The following CEP104 variants were observed in gnomAD, a reference collection of about 807,000 sequenced individuals.
CEP104 encodes the protein centrosomal protein 104, also known as centrosomal protein of 104 kDa.
A neutral mutation model predicts 113.3 loss-of-function variants in CEP104; 84 were observed. The observed-to-expected ratio is 0.74, with a 90% CI of 0.62 to 0.89. The LOEUF (loss-of-function observed/expected upper bound fraction) is 0.89, where lower values mean the gene tolerates loss of function less well. CEP104 is among the 40% of genes least tolerant of loss of function. The probability of loss-of-function intolerance (pLI) is 0.00; values close to 1 mark genes in which losing one functional copy is unlikely to be tolerated. For synonymous variants in CEP104, 378 were observed against 421.7 expected (o/e 0.90, Z 1.27); for missense variants, 1,053 against 1,156.6 (o/e 0.91, Z 1.30).
chr1:3,839,044 C>A lies in CEP104; in HGVS notation c.811G>T (p.Glu271Ter), dbSNP rs763767740. The A allele has an allele frequency of 3.1e-6, 5 of 1,614,142 alleles. No individual in the cohort carries two copies. The highest frequency in any genetic ancestry group is 1.7e-6 in the Non-Finnish European group (2 of 1,180,030). Residue 271 changes from glutamate (E) to a stop codon, truncating the protein, a stop_gained, in exon 8 of 22, where the codon GAG (glutamate) becomes TAG (stop). Coordinates refer to ENST00000378230, the MANE Select transcript of CEP104 (RefSeq NM_014704.4). LOFTEE classifies it high-confidence loss of function. ...TACTGCTCCATCTGCTGCTTCTTCT[C>A]CTTGGCGAGATCGTAGTCTTCCTTC... is the stretch of plus-strand genomic sequence containing the variant. ...VEKEDYDLAK[E>*]KKQQMEQYRA...
intron 7 of CEP104, 35 bp from the exon 8 acceptor site, chr1:3,839,154 T>G: frequency 6.3e-7 from 1 of 1,589,854 alleles, no homozygotes; most frequent in South Asian, 1.1e-5. Context: ...TCTTTCAAAT[T>G]TGGATCAACT....
Position 3,817,050 on chromosome 1 carries a change from G to C in CEP104, c.2572-680C>G, listed in dbSNP as rs149982011. On this transcript the variant is annotated intron_variant, in intron 20 of 21. Transcript: ENST00000378230. ...CTTCTATTTAAACAACACTCACGAG[G>C]CTGGGCGCGGTGGCTCACGCCTGTA... Among the ~76,000 whole-genome samples the C allele has an allele frequency of 2.6e-5, 4 of 152,336 alleles. No homozygotes were observed. The East Asian group carries it at 7.7e-4, about 29-fold the overall frequency.
At position 3,852,030 on chromosome 1, in the gene CEP104, A is replaced by G. The variant is rs571750961; in HGVS notation, c.113+265T>C. 1.2e-3 allele frequency among the ~76,000 whole-genome samples: 183 copies of G among 152,346 alleles called. 1 individual carries two copies. Among genetic ancestry groups the G allele is most frequent in the Non-Finnish European group, 2.0e-3 (137 of 68,032 alleles). ...GATCAGGGAGTATGGTTAGACAGTTACGGGGCCTCATTTCTCTTCCTTCTC... is the reference window on the plus strand; with the variant it reads ...GATCAGGGAGTATGGTTAGACAGTTGCGGGGCCTCATTTCTCTTCCTTCTC... On this transcript the variant is annotated intron_variant, in intron 2 of 21. Coordinates refer to ENST00000378230, the MANE Select transcript of CEP104 (RefSeq NM_014704.4).
At chr1:3,820,314 C>T (rs1318233247) in intron 20 of CEP104, among the ~76,000 whole-genome samples, 4 of 152,262 alleles carry the variant, frequency 2.6e-5, no homozygotes, top group South Asian at 2.1e-4. Flanking sequence ...GGGCATTGCA[C>T]GGGAGGACAA....
intron 1 of CEP104, among the ~76,000 whole-genome samples, chr1:3,852,843 G>A (rs1644641732): frequency 6.6e-6 from 1 of 152,322 alleles, no homozygotes; most frequent in African/African-American, 2.4e-5. Context: ...GCCACACAAA[G>A]GGAGAGCGCC....
At chr1:3,832,003 T>C (rs1644216910) in intron 12 of CEP104, among the ~76,000 whole-genome samples, 1 of 152,206 alleles carries the variant, frequency 6.6e-6, no homozygotes, top group South Asian at 2.1e-4. Flanking sequence ...GTGTATTTCG[T>C]CCACTAACCG....
chr1:3,823,656 G>A lies in CEP104; in HGVS notation c.2365-94C>T. 1 of 1,518,156 alleles carries A rather than the reference G, an allele frequency of 6.6e-7. No individual in the cohort carries two copies. Among genetic ancestry groups the A allele is most frequent in the Admixed American group, 1.7e-5 (1 of 58,104 alleles). 94.0% of individuals were successfully genotyped at this position (1,518,156 alleles called of 1,614,324 possible). On this transcript the variant is annotated intron_variant, in intron 18 of 21. Transcript: ENST00000378230. The surrounding 1 kb of genome is among the most constrained non-coding windows in gnomAD (Gnocchi z 4.1). Reference sequence around the variant, plus strand: ...AGCCTGTGAGCGCCTCCCCTGCCCAGGGAGGTCTGTGCCGCCTGCACATGA... The same window carrying A: ...AGCCTGTGAGCGCCTCCCCTGCCCAAGGAGGTCTGTGCCGCCTGCACATGA...
At chr1:3,849,843 A>AC (rs1366433469) in intron 2 of CEP104, among the ~76,000 whole-genome samples, 1 of 152,102 alleles carries the variant, frequency 6.6e-6, no homozygotes, top group Non-Finnish European at 1.5e-5. Context: ...TAAAAAAAAA[A>AC]AACTCCAAAA....
chr1:3,844,452 C>T (rs754794112), intron 6 of CEP104, among the ~76,000 whole-genome samples: 1 of 151,956 alleles, frequency 6.6e-6, no homozygotes, highest in Non-Finnish European at 1.5e-5. Context: ...GAGCCGAGAT[C>T]GTGCCACTGC....
intron 1 of CEP104, among the ~76,000 whole-genome samples, chr1:3,856,429 C>T (rs1233320821): frequency 6.6e-6 from 1 of 152,228 alleles, no homozygotes; most frequent in Admixed American, 6.5e-5. Flanking sequence ...GAAAGGGCTT[C>T]AGAGAAATCT....
chr1:3,816,412 G>A (rs1172226919), intron 20 of CEP104, 42 bp from the exon 21 acceptor site: 27 of 1,478,296 alleles, frequency 1.8e-5, no homozygotes, highest in East Asian at 2.5e-5. Flanking sequence ...CAGGCGAGAC[G>A]GACCTGGCAC....
At chr1:3,818,029 G>A (rs1274584911) in intron 20 of CEP104, among the ~76,000 whole-genome samples, 1 of 152,234 alleles carries the variant, frequency 6.6e-6, no homozygotes, top group East Asian at 1.9e-4. Flanking sequence ...GAGCCGCCTG[G>A]CCGCCCTATG....
At chr1:3,816,113 T>A in intron 21 of CEP104, 167 bp downstream of exon 21, 1 of 590,566 alleles carries the variant, frequency 1.7e-6, no homozygotes, top group South Asian at 2.3e-5. Flanking sequence ...CGATTCTGAT[T>A]ATTAGCCTGC....
At chr1:3,840,859 T>G (rs745752636) in intron 6 of CEP104, among the ~76,000 whole-genome samples, 1 of 152,202 alleles carries the variant, frequency 6.6e-6, no homozygotes, top group African/African-American at 2.4e-5. Flanking sequence ...GTATTTTTGA[T>G]GAACATGATA....
intron 13 of CEP104, 98 bp from the exon 14 acceptor site, chr1:3,830,095 G>C: frequency 1.2e-6 from 1 of 851,262 alleles, no homozygotes; most frequent in South Asian, 1.5e-5. Context: ...AAAAATAAAA[G>C]AGAAAACATC....
intron 2 of CEP104, 73 bp from the exon 3 acceptor site, chr1:3,848,854 T>C (rs1570849337): frequency 7.7e-7 from 1 of 1,306,314 alleles, no homozygotes; most frequent in Non-Finnish European, 1.1e-6. Context: ...CATCTCATTC[T>C]TGCAGGTAAG....
chr1:3,823,272 C>A lies in CEP104; in HGVS notation c.2504-31G>T. On this transcript the variant is annotated intron_variant, in intron 19 of 21. Transcript: ENST00000378230. This position sits in a 1 kb window ranked among gnomAD's most constrained non-coding sequence, Gnocchi z 4.1. ...ATGATTTTAAAAAGACTCAGTCGCT[C>A]CCTGAATGACAGGCGACAAGACATG... The A allele has an allele frequency of 6.2e-7, 1 of 1,613,600 alleles. No individual in the cohort carries two copies. The highest frequency in any genetic ancestry group is 8.5e-7 in the Non-Finnish European group (1 of 1,179,514).
Position 3,837,363 on chromosome 1 carries a change from G to C in CEP104, c.1048C>G (p.Leu350Val), listed in dbSNP as rs1644334697. 3.1e-6 allele frequency: 5 copies of C among 1,614,198 alleles called. No homozygotes were observed. Among genetic ancestry groups the C allele is most frequent in the Non-Finnish European group, 4.2e-6 (5 of 1,180,018 alleles). ...GCAGAATGCTGAGGAGAAATAGTTA[G>C]AGAATATGATGAAGGCTTTTCCTGA... is the stretch of plus-strand genomic sequence containing the variant. ...FLQEKPSSYSLTISPQHSAVD... is the reference protein window; with the variant it reads ...FLQEKPSSYSVTISPQHSAVD... The change falls in exon 9 of 22, where the codon CTA becomes GTA. Residue 350 changes from leucine (L) to valine (V), a missense_variant. By Grantham distance (32) the Leu-to-Val change is conservative. Coordinates refer to ENST00000378230, the MANE Select transcript of CEP104 (RefSeq NM_014704.4).
intron 15 of CEP104, 23 bp downstream of exon 15, chr1:3,829,243 T>G: frequency 1.3e-6 from 2 of 1,496,440 alleles, no homozygotes; most frequent in Non-Finnish European, 1.8e-6. Flanking sequence ...AGCACACAGG[T>G]GAAAGACGTG....
Sources: gnomAD v4.1 joint callset for allele counts (sites outside exome capture counted in the v4.1 genomes callset) on GRCh38, gnomAD v4.1.1 for gene constraint, Gnocchi (gnomAD v3.1) non-coding constraint, MANE v1.5 for transcripts, NCBI Gene and HGNC (gene_info 2026-07-23, HGNC 2026-07-21) for gene names.